The following GGT1 variants were observed in gnomAD, a reference collection of about 807,000 sequenced individuals.
The protein encoded by GGT1 is glutathione hydrolase 1 proenzyme.
In GGT1, 21 loss-of-function variants were observed where a neutral mutation model predicts 56.0. The observed-to-expected ratio is 0.38, with a 90% CI of 0.27 to 0.54. The LOEUF (loss-of-function observed/expected upper bound fraction) is 0.54. Among genes scored for constraint, GGT1 ranks in the 20% least tolerant of loss-of-function variants. The probability of loss-of-function intolerance (pLI) is 0.82; values close to 1 mark genes in which losing one functional copy is unlikely to be tolerated. For missense variants in GGT1, 466 were observed against 787.0 expected (o/e 0.59, Z 4.88); for synonymous variants, 238 against 342.6 (o/e 0.69, Z 3.37).
chr22:24,596,076 C>T (rs1038520386), intron 1 of GGT1, among the ~76,000 whole-genome samples: 36 of 152,186 alleles, frequency 2.4e-4, no homozygotes, highest in African/African-American at 8.4e-4. Context: ...CAACCTTCTG[C>T]AGGGCCAGGA....
chr22:24,590,141 T>G (rs537752833), upstream of GGT1, among the ~76,000 whole-genome samples: 1 of 152,300 alleles, frequency 6.6e-6, no homozygotes, highest in East Asian at 1.9e-4. Context: ...TTTTTGCTTA[T>G]TTATTTTTTG....
chr22:24,588,195 G>C, the GGT1 span: 10 of 1,585,264 alleles, frequency 6.3e-6, no homozygotes, highest in African/African-American at 1.2e-4. Context: ...AGGAGGGGCA[G>C]TGGCTGGGCT....
At chr22:24,590,581 T>C (rs1651223232), upstream of GGT1, among the ~76,000 whole-genome samples, 1 of 152,100 alleles carries the variant, frequency 6.6e-6, no homozygotes, top group South Asian at 2.1e-4. Context: ...GTCTTTCGTC[T>C]TATGGTGGGG....
rs772796974 is a variant in GGT1 at position 24,620,951 on chromosome 22, G to A, written c.614G>A (p.Gly205Glu). ...FCRDRKVLREGERLTLPQLAD... is the reference protein window; with the variant it reads ...FCRDRKVLREEERLTLPQLAD... ...CGGGATAGAAAGGTGCTTCGGGAGG[G>A]GGAGAGACTGACCCTGCCGCAGCTG... Residue 205 changes from glycine (G) to glutamate (E), a missense_variant, in exon 9 of 16, where the codon GGG (glycine) becomes GAG (glutamate). By Grantham distance (98) the Gly-to-Glu change is moderately conservative. This residue lies in a region of GGT1 where 456 missense variants were observed against 716.7 expected (regional missense o/e 0.64). Coordinates refer to ENST00000400382, the MANE Select transcript of GGT1 (RefSeq NM_001288833.2). This position sits in a 1 kb window ranked among gnomAD's most constrained non-coding sequence, Gnocchi z 5.6. The A allele has an allele frequency of 6.2e-7, 1 of 1,612,014 alleles. No individual in the cohort carries two copies. Among genetic ancestry groups the A allele is most frequent in the South Asian group, 1.1e-5 (1 of 90,992 alleles).
chr22:24,621,033 C>G lies in GGT1; in HGVS notation c.696C>G (p.Ser232Arg), dbSNP rs1601738423. ...GTGCCCAGGCCTTCTACAACGGCAG[C>G]CTCACGGCCCAGATTGTGAAGGACA... ...IEGAQAFYNGSLTAQIVKDIQ... is the reference protein window; with the variant it reads ...IEGAQAFYNGRLTAQIVKDIQ... Residue 232 changes from serine (S) to arginine (R), a missense_variant, in exon 9 of 16, where the codon AGC becomes AGG. This residue lies in a region of GGT1 where 456 missense variants were observed against 716.7 expected (regional missense o/e 0.64). Transcript: ENST00000400382. 3 of 1,603,120 alleles carry G rather than the reference C, an allele frequency of 1.9e-6. No individual in the cohort carries two copies. The South Asian group carries it at 3.3e-5, about 18-fold the overall frequency.
rs558810680 is a variant in GGT1, at chr22:24,597,613, G to A, written c.-324+2727G>A. Among the ~76,000 whole-genome samples the A allele has an allele frequency of 5.3e-5, 8 of 152,170 alleles. No individual in the cohort carries two copies. The South Asian group carries it at 6.2e-4, about 12-fold the overall frequency. ...GGAGAATCGCTTGAACCTAGGAGGC[G>A]GAGGTTTCAGTGAGCCGAGATAGCA... On this transcript the variant is annotated intron_variant, in intron 1 of 6. Transcript: ENST00000411974.
chr22:24,604,689 C>T (rs2147221362), intron 1 of GGT1, among the ~76,000 whole-genome samples: 1 of 152,084 alleles, frequency 6.6e-6, no homozygotes, highest in African/African-American at 2.4e-5. Flanking sequence ...CTTCCCCAGA[C>T]CCACTTCCCC....
At chr22:24,611,297 C>A in intron 5 of GGT1, 52 bp downstream of exon 5, 1 of 1,080,464 alleles carries the variant, frequency 9.3e-7, no homozygotes, top group Non-Finnish European at 1.4e-6. Context: ...GCAAGTGGAC[C>A]TGAGCAATAC....
the GGT1 span, chr22:24,586,439 A>C: frequency 1.3e-6 from 2 of 1,587,780 alleles, no homozygotes; most frequent in Admixed American, 1.7e-5. Context: ...GTGGGGATGG[A>C]CTAGGCAACC....
At chr22:24,601,973 G>C (rs1479483375), upstream of GGT1, among the ~76,000 whole-genome samples, 1 of 152,222 alleles carries the variant, frequency 6.6e-6, no homozygotes, top group African/African-American at 2.4e-5. Context: ...ACACCCACCA[G>C]GGTCTTAATG....
intron 11 of GGT1, among the ~76,000 whole-genome samples, chr22:24,626,797 AGTT>A (rs1405472979): frequency 6.6e-6 from 1 of 151,296 alleles, no homozygotes; most frequent in African/African-American, 2.4e-5. Context: ...AGCAAAAGCC[AGTT>A]GTTATGGGAC....
Position 24,605,902 on chromosome 22 carries a change from TATA to T in GGT1, c.-428-2048_-428-2046del, listed in dbSNP as rs1457548877. On this transcript the variant is annotated intron_variant, in intron 1 of 15. Coordinates refer to ENST00000400382, the MANE Select transcript of GGT1 (RefSeq NM_001288833.2). The stretch of plus-strand genomic sequence containing the variant: ...AATATATGATGTGTATTATATATTA[TATA>T]ATATTATATGATGTGTATTATATAT... 2.2e-5 allele frequency among the ~76,000 whole-genome samples: 2 copies of T among 89,434 alleles called. 1 individual carries two copies. Among genetic ancestry groups the T allele is most frequent in the African/African-American group, 9.2e-5 (2 of 21,800 alleles). The allele number at this position is 89,434 out of a possible 152,430, so 58.7% of individuals were successfully genotyped here.
intron 7 of GGT1, among the ~76,000 whole-genome samples, chr22:24,617,592 C>T (rs1024865741): frequency 1.3e-5 from 2 of 151,840 alleles, no homozygotes; most frequent in Admixed American, 6.6e-5. Context: ...AGGGAGTCCC[C>T]GGGGACCCCT....
intron 7 of GGT1, among the ~76,000 whole-genome samples, chr22:24,615,708 A>C (rs1324713299): frequency 1.3e-5 from 2 of 152,104 alleles, no homozygotes; most frequent in Non-Finnish European, 2.9e-5. Context: ...ATCTGGTCTT[A>C]AGTGGAGAGG....
rs1273300203 is a variant in GGT1, at chr22:24,626,821, C to T, written c.1021-611C>T. Among the ~76,000 whole-genome samples the T allele has an allele frequency of 3.2e-3, 481 of 150,886 alleles. 4 individuals are homozygous for T. Among genetic ancestry groups the T allele is most frequent in the East Asian group, 4.6e-3 (24 of 5,174 alleles). ...CAGTTGTTATGGGACCTAGGAAGTC[C>T]TGTGGGATGGGCCCCAGCCTGCATC... On this transcript the variant is annotated intron_variant, in intron 11 of 15. Coordinates refer to ENST00000400382, the MANE Select transcript of GGT1 (RefSeq NM_001288833.2).
intron 1 of GGT1, among the ~76,000 whole-genome samples, chr22:24,596,431 C>T (rs1290535380): frequency 6.6e-6 from 1 of 152,142 alleles, no homozygotes; most frequent in Non-Finnish European, 1.5e-5. Flanking sequence ...AAACCATCTA[C>T]CCTATGTGTC....
At chr22:24,599,960 C>G (rs1392592819), upstream of GGT1, among the ~76,000 whole-genome samples, 1 of 152,224 alleles carries the variant, frequency 6.6e-6, no homozygotes, top group African/African-American at 2.4e-5. Flanking sequence ...AGCGGGTTGG[C>G]TTTCCTGGAG....
At chr22:24,605,192 A>ATATATAATATGTATTATATTATATAT (rs1425231679) in intron 1 of GGT1, among the ~76,000 whole-genome samples, 5 of 40,880 alleles carry the variant, frequency 1.2e-4, no homozygotes, top group Non-Finnish European at 1.6e-4. Context: ...ATATTATATA[A>ATATATAATATGTATTATATTATATAT]TATATAATAT....
At chr22:24,608,347 G>A (rs55796677) in intron 2 of GGT1, among the ~76,000 whole-genome samples, 4,304 of 152,314 alleles carry the variant, frequency 0.028, 174 homozygotes, top group African/African-American at 0.096. Flanking sequence ...GTTCTTCCCA[G>A]CAGTCTGAGC....
Sources: gnomAD v4.1 joint callset for allele counts (sites outside exome capture counted in the v4.1 genomes callset) on GRCh38, gnomAD v4.1.1 for gene constraint, gnomAD v4.1.1 regional missense constraint, Gnocchi (gnomAD v3.1) non-coding constraint, MANE v1.5 for transcripts, NCBI Gene and HGNC (gene_info 2026-07-23, HGNC 2026-07-21) for gene names.